Variants in SGK1 observed in about 807,000 individuals in gnomAD.
SGK1 encodes the protein serum/glucocorticoid regulated kinase 1.
In SGK1, 26 loss-of-function variants were observed where a neutral mutation model predicts 64.2. The observed-to-expected ratio is 0.40, with a 90% CI of 0.30 to 0.56. SGK1 has a LOEUF of 0.56. SGK1 is among the 20% of genes least tolerant of loss of function. The pLI is 0.38. For synonymous variants in SGK1, 265 were observed against 239.7 expected, an observed-to-expected ratio of 1.11 and a Z score of -0.98; for missense variants, 519 against 645.6, an observed-to-expected ratio of 0.80 and a Z score of 2.12.
At chr6:134,226,185 G>A (rs1233180883) in intron 2 of SGK1, among the ~76,000 whole-genome samples, 1 of 151,936 alleles carries the variant, frequency 6.6e-6, no homozygotes, top group Non-Finnish European at 1.5e-5. Context: ...ATCAAGGAAG[G>A]TGATATCAAC....
At chr6:134,231,327 ATTTC>A (rs1776275537) in intron 2 of SGK1, among the ~76,000 whole-genome samples, 1 of 152,236 alleles carries the variant, frequency 6.6e-6, no homozygotes, top group Non-Finnish European at 1.5e-5. Flanking sequence ...TAATACATAT[ATTTC>A]TTTCTCCACC....
intron 3 of SGK1, among the ~76,000 whole-genome samples, chr6:134,193,175 T>C (rs909221075): frequency 2.0e-5 from 3 of 152,220 alleles, no homozygotes; most frequent in Non-Finnish European, 4.4e-5. Flanking sequence ...CCTCTGTTCC[T>C]TGAATCTCTA....
chr6:134,180,609 A>C (rs1449583749), intron 3 of SGK1, among the ~76,000 whole-genome samples: 2 of 152,150 alleles, frequency 1.3e-5, no homozygotes, highest in African/African-American at 4.8e-5. Flanking sequence ...GCAGGGGCTC[A>C]CACCTCTAAT....
chr6:134,298,085 G>A (rs1486415118), intron 1 of SGK1: 10 of 1,315,686 alleles, frequency 7.6e-6, no homozygotes, highest in African/African-American at 1.5e-5. Flanking sequence ...TTCCAGGTGA[G>A]ACTCCAGCTC....
chr6:134,180,224 G>C (rs1453660459), intron 3 of SGK1: 1 of 152,250 alleles, frequency 6.6e-6, no homozygotes, highest in Non-Finnish European at 1.5e-5. Context: ...AAAGTGCTGG[G>C]ATTATAAGTA....
chr6:134,271,679 G>A (rs1022945664), intron 1 of SGK1, among the ~76,000 whole-genome samples: 2 of 147,464 alleles, frequency 1.4e-5, no homozygotes, highest in African/African-American at 4.9e-5. Context: ...TCATGACACC[G>A]GGATTTGTTG....
At chr6:134,220,290 A>G (rs1215747183) in intron 2 of SGK1, among the ~76,000 whole-genome samples, 2 of 152,106 alleles carry the variant, frequency 1.3e-5, no homozygotes, top group East Asian at 3.9e-4. Context: ...TTGTGGCTAG[A>G]AGATATTTAA....
chr6:134,172,687 G>A lies in SGK1; in HGVS notation c.922C>T (p.Leu308=), dbSNP rs746494763. 1.7e-5 allele frequency: 28 copies of A among 1,612,998 alleles called. No homozygotes were observed. In the South Asian group the frequency reaches 2.9e-4, roughly 16 times the overall value. The part of the protein sequence containing the change: ...AAEIASALGY[L]HSLNIVYRDL... ...CTATAAACGATGTTCAGTGAATGCA[G>A]GTAGCCCAAGGCACTGGCTATTTCA... The change falls in exon 9 of 14, where the codon CTG becomes TTG. Residue 308 remains leucine (L), a synonymous_variant. Coordinates refer to ENST00000367858, the MANE Select transcript of SGK1 (RefSeq NM_001143676.3).
Position 134,266,174 on chromosome 6 carries a change from G to A in SGK1, c.70-4026C>T, listed in dbSNP as rs144044298. On this transcript the variant is annotated intron_variant, in intron 1 of 13. Coordinates refer to ENST00000367858, the MANE Select transcript of SGK1 (RefSeq NM_001143676.3). ...TAATTTTTGTATTTTTAGTAGAGAC[G>A]GGGTTTTGCTATGTTGGCCAGGCCG... Among the ~76,000 whole-genome samples, 1,056 of 150,704 alleles carry A rather than the reference G, an allele frequency of 7.0e-3. 12 individuals carry two copies. Among genetic ancestry groups the A allele is most frequent in the African/African-American group, 0.024 (1,002 of 41,108 alleles).
intron 2 of SGK1, among the ~76,000 whole-genome samples, chr6:134,254,917 A>G (rs1025923345): frequency 1.1e-4 from 16 of 152,016 alleles, no homozygotes; most frequent in African/African-American, 3.4e-4. Flanking sequence ...TGCCCAGGTT[A>G]GAGTGCAGTG....
rs185474539 is a variant in SGK1, at chr6:134,267,273, G to A, written c.70-5125C>T. Among the ~76,000 whole-genome samples the A allele has an allele frequency of 2.7e-3, 410 of 149,520 alleles. 3 individuals carry two copies. The highest frequency in any genetic ancestry group is 3.4e-3 in the Middle Eastern group (1 of 292). ...TTTTAATATGTTACAGTCTGAATAT[G>A]TTCATAGTGACTTTTCTGTTTGTTT... On this transcript the variant is annotated intron_variant, in intron 1 of 13. Transcript: ENST00000367858.
intron 3 of SGK1, among the ~76,000 whole-genome samples, chr6:134,184,974 C>T (rs774984086): frequency 1.3e-5 from 2 of 152,192 alleles, no homozygotes; most frequent in Admixed American, 6.5e-5. Context: ...CATAAGCCAC[C>T]GACCCTGGCC....
At chr6:134,229,714 C>T (rs1323866883) in intron 2 of SGK1, among the ~76,000 whole-genome samples, 1 of 152,186 alleles carries the variant, frequency 6.6e-6, no homozygotes, top group African/African-American at 2.4e-5. Flanking sequence ...CATGCATATA[C>T]ATGAATATAT....
intron 3 of SGK1, among the ~76,000 whole-genome samples, chr6:134,198,724 C>CTTTTT (rs1459010325): frequency 9.3e-4 from 61 of 65,884 alleles, no homozygotes; most frequent in African/African-American, 2.2e-3. Flanking sequence ...TTCTCTTTTT[C>CTTTTT]TATTTTTTTT....
chr6:134,250,122 G>A (rs1390886450), intron 2 of SGK1, among the ~76,000 whole-genome samples: 3 of 152,070 alleles, frequency 2.0e-5, no homozygotes, highest in African/African-American at 7.2e-5. Flanking sequence ...GAAAACAACA[G>A]GAAATACTCA....
At chr6:134,256,088 CT>C (rs68106923) in intron 2 of SGK1, among the ~76,000 whole-genome samples, 174 of 139,206 alleles carry the variant, frequency 1.2e-3, no homozygotes, top group African/African-American at 3.5e-3. Context: ...GTCCTTTTTC[CT>C]TTTTTTTTTT....
intron 1 of SGK1, among the ~76,000 whole-genome samples, chr6:134,278,323 G>A (rs1019760548): frequency 1.3e-5 from 2 of 152,168 alleles, no homozygotes; most frequent in Non-Finnish European, 1.5e-5. Flanking sequence ...GCCCTTAAGG[G>A]CAGTTGTTTA....
chr6:134,221,864 G>T lies in SGK1; in HGVS notation c.286-14433C>A, dbSNP rs185366752. On this transcript the variant is annotated intron_variant, in intron 2 of 13. Coordinates refer to ENST00000367858, the MANE Select transcript of SGK1 (RefSeq NM_001143676.3). ...GACAGGGTTTCACCATGTCGGCCAG[G>T]TTGGTCTCAATCTCCTGGCCTCAAG... 4.5e-4 allele frequency among the ~76,000 whole-genome samples: 69 copies of T among 152,138 alleles called. 1 individual carries two copies. Among genetic ancestry groups the T allele is most frequent in the Admixed American group, 2.9e-3 (44 of 15,262 alleles).
intron 1 of SGK1, among the ~76,000 whole-genome samples, chr6:134,279,453 A>AATAC (rs1263758671): frequency 4.6e-5 from 7 of 151,916 alleles, no homozygotes; most frequent in Non-Finnish European, 1.0e-4. Context: ...TAAATAAATA[A>AATAC]ATAAATAAAA....
Sources: gnomAD v4.1 joint callset for allele counts (sites outside exome capture counted in the v4.1 genomes callset) on GRCh38, gnomAD v4.1.1 for gene constraint, MANE v1.5 for transcripts, NCBI Gene and HGNC (gene_info 2026-07-23, HGNC 2026-07-21) for gene names.